The following TRIM49 variants were observed in gnomAD, a reference collection of about 807,000 sequenced individuals.
TRIM49 encodes the protein tripartite motif containing 49.
TRIM49 carries 5 observed loss-of-function variants against 27.4 expected under a neutral mutation model. The ratio of observed to expected loss-of-function variants is 0.18; its 90% CI spans 0.10 to 0.38. TRIM49 has a LOEUF of 0.38. TRIM49 is among the 10% of genes least tolerant of loss of function. The probability of loss-of-function intolerance (pLI) is 1.00; values close to 1 mark genes in which losing one functional copy is unlikely to be tolerated. For missense variants in TRIM49, 188 were observed against 487.5 expected (o/e 0.39, Z 5.79); for synonymous variants, 69 against 166.0 (o/e 0.42, Z 4.49).
At chr11:89,791,272 G>T in the TRIM49 span, among the ~76,000 whole-genome samples, 1 of 152,094 alleles carries the variant, frequency 6.6e-6, no homozygotes, top group African/African-American at 2.4e-5. Context: ...GTGTCTGATT[G>T]GTGATGAAAG....
rs1363501990 is a variant in TRIM49, at chr11:89,804,551, G to C, written c.-4-78C>G. ...TCTAAACATGTGGAGATATGTGATAGTTATATTTTCTTCTCTTGACAGTGT... is the reference window on the plus strand; with the variant it reads ...TCTAAACATGTGGAGATATGTGATACTTATATTTTCTTCTCTTGACAGTGT... On this transcript the variant is annotated intron_variant, in intron 2 of 7. Coordinates refer to ENST00000329758, the MANE Select transcript of TRIM49 (RefSeq NM_020358.2). 1.4e-5 allele frequency: 21 copies of C among 1,476,804 alleles called. 1 individual carries two copies. Among genetic ancestry groups the C allele is most frequent in the Non-Finnish European group, 1.7e-5 (19 of 1,105,794 alleles). The allele number at this position is 1,476,804 out of a possible 1,614,324, so 91.5% of individuals were successfully genotyped here.
chr11:89,800,470 G>A (rs28703918), intron 6 of TRIM49, among the ~76,000 whole-genome samples: 4,421 of 128,476 alleles, frequency 0.034, 33 homozygotes, highest in African/African-American at 0.091. Flanking sequence ...GGGGCCGGGC[G>A]CGGTGGTTCA....
the TRIM49 span, chr11:89,776,960 T>C: frequency 2.0e-6 from 3 of 1,514,918 alleles, no homozygotes; most frequent in African/African-American, 2.8e-5. Flanking sequence ...TCTCACTTTT[T>C]TTTTTTTAAT....
At chr11:89,805,125 T>G (rs1314808347) in intron 2 of TRIM49, among the ~76,000 whole-genome samples, 1 of 151,738 alleles carries the variant, frequency 6.6e-6, no homozygotes, top group Non-Finnish European at 1.5e-5. Context: ...ACTAATCAAG[T>G]TTCACTAGTA....
In TRIM49 at chr11:89,798,316, G is replaced by T. The variant is rs759911413; in HGVS notation, c.1173C>A (p.Leu391=). The change falls in exon 8 of 8, where the codon CTC becomes CTA. Residue 391 remains leucine, a synonymous_variant. Transcript: ENST00000329758. The stretch of plus-strand genomic sequence containing the variant: ...GCAGCATAAGTGGGGAGGTGGTAAA[G>T]AGACTGCATTGAATGTCATTCTTAA... The part of the protein sequence containing the change: ...GCVKNDIQCS[L]FTTSPLMLQY... 1 of 1,573,162 alleles carries T rather than the reference G, an allele frequency of 6.4e-7. No individual in the cohort carries two copies. The highest frequency in any genetic ancestry group is 1.7e-4 in the Middle Eastern group (1 of 5,902).
the TRIM49 span, among the ~76,000 whole-genome samples, chr11:89,782,852 A>G: frequency 1.6e-5 from 2 of 121,488 alleles, no homozygotes; most frequent in Admixed American, 1.7e-4. Flanking sequence ...CATACAACAT[A>G]AGTTCTTTTT....
At chr11:89,768,469 C>T in the TRIM49 span, among the ~76,000 whole-genome samples, 18 of 133,796 alleles carry the variant, frequency 1.3e-4, 2 homozygotes, top group Non-Finnish European at 4.5e-5. Flanking sequence ...CCTACTGCCA[C>T]TGAAAGATAA....
At chr11:89,785,060 T>A in the TRIM49 span, among the ~76,000 whole-genome samples, 2 of 149,400 alleles carry the variant, frequency 1.3e-5, no homozygotes, top group African/African-American at 5.1e-5. Context: ...CTTTCTGAGG[T>A]TTTTATCCCT....
downstream of TRIM49, among the ~76,000 whole-genome samples, chr11:89,793,504 A>G (rs1949669006): frequency 1.3e-5 from 2 of 152,206 alleles, no homozygotes; most frequent in African/African-American, 2.4e-5. Context: ...GACAAACAGA[A>G]TCCAGCAGCA....
intron 1 of TRIM49, among the ~76,000 whole-genome samples, chr11:89,807,574 G>A (rs1313104548): frequency 1.3e-5 from 2 of 150,276 alleles, no homozygotes; most frequent in Admixed American, 6.6e-5. Context: ...TAGAGAAAGG[G>A]TCTCCTTCTG....
At chr11:89,797,171 C>G (rs2134630853), downstream of TRIM49, among the ~76,000 whole-genome samples, 1 of 151,112 alleles carries the variant, frequency 6.6e-6, no homozygotes, top group East Asian at 1.9e-4. Context: ...ATTTATGTAT[C>G]CAATTCTGTA....
At chr11:89,787,627 G>T in the TRIM49 span, 8 of 794,788 alleles carry the variant, frequency 1.0e-5, no homozygotes, top group South Asian at 9.0e-5. Context: ...GCATGGTGGT[G>T]CCCCGGGTCC....
At chr11:89,776,696 C>T in the TRIM49 span, among the ~76,000 whole-genome samples, 3 of 152,060 alleles carry the variant, frequency 2.0e-5, no homozygotes, top group African/African-American at 7.3e-5. Context: ...ACGTTACATG[C>T]AAATCCCACA....
the TRIM49 span, among the ~76,000 whole-genome samples, chr11:89,781,718 G>GT: frequency 8.0e-6 from 1 of 125,220 alleles, no homozygotes. Flanking sequence ...TGTATATGCT[G>GT]TAGAGGTGTA....
chr11:89,793,037 A>C (rs1401450471), downstream of TRIM49, among the ~76,000 whole-genome samples: 1 of 152,108 alleles, frequency 6.6e-6, no homozygotes, highest in South Asian at 2.1e-4. Context: ...AATCAAATAG[A>C]TGCAATAAAA....
chr11:89,778,144 G>A, the TRIM49 span: 2 of 563,890 alleles, frequency 3.5e-6, no homozygotes, highest in South Asian at 2.0e-5. Flanking sequence ...GATTTCAATT[G>A]ATATAACAGG....
At chr11:89,800,550 T>C (rs1482677033) in intron 6 of TRIM49, among the ~76,000 whole-genome samples, 1 of 150,986 alleles carries the variant, frequency 6.6e-6, no homozygotes, top group Non-Finnish European at 1.5e-5. Context: ...GAGACCATCC[T>C]GGCTAACATG....
At chr11:89,768,943 C>G in the TRIM49 span, 1 of 440,528 alleles carries the variant, frequency 2.3e-6, no homozygotes, top group Non-Finnish European at 4.4e-6. Flanking sequence ...CTTTGGGAGG[C>G]CAAGGTGGGT....
chr11:89,783,650 A>G, the TRIM49 span, among the ~76,000 whole-genome samples: 4 of 142,748 alleles, frequency 2.8e-5, no homozygotes, highest in East Asian at 8.4e-4. Flanking sequence ...GCTAAGCATA[A>G]AGTGGTATAA....
Sources: allele counts gnomAD v4.1 joint callset (sites outside exome capture counted in the v4.1 genomes callset), GRCh38; gene constraint gnomAD v4.1.1; transcripts MANE v1.5; gene names NCBI Gene and HGNC (gene_info 2026-07-23, HGNC 2026-07-21).